Variants in AFF4 observed in about 807,000 individuals in gnomAD.
AFF4 encodes the protein AF4/FMR2 family member 4.
In AFF4, 13 loss-of-function variants were observed where a neutral mutation model predicts 124.8. That is an observed-to-expected ratio of 0.10 (90% CI 0.07 to 0.17). The LOEUF is 0.17. Among genes scored for constraint, AFF4 ranks in the 10% least tolerant of loss-of-function variants. The probability of loss-of-function intolerance (pLI) is 1.00; values close to 1 mark genes in which losing one functional copy is unlikely to be tolerated. For synonymous variants in AFF4, 477 were observed against 496.1 expected (o/e 0.96, Z 0.51); for missense variants, 1,092 against 1,403.8 (o/e 0.78, Z 3.55).
rs544606284 is a variant in AFF4 at position 132,946,688 on chromosome 5, A to G, written c.-4-9495T>C. On this transcript the variant is annotated intron_variant, in intron 1 of 20. Coordinates refer to ENST00000265343, the MANE Select transcript of AFF4 (RefSeq NM_014423.4). ...GGGAGGTTCTGTTTGGGATGATGAA[A>G]AAGTTCTGGAAACAGACAGTATTGA... is the stretch of plus-strand genomic sequence containing the variant. 5.3e-5 allele frequency among the ~76,000 whole-genome samples: 8 copies of G among 152,302 alleles called. 1 individual carries two copies. The highest frequency in any genetic ancestry group is 3.9e-4 in the East Asian group (2 of 5,192).
chr5:132,910,657 C>G (rs1581294148), intron 5 of AFF4, among the ~76,000 whole-genome samples: 1 of 152,312 alleles, frequency 6.6e-6, no homozygotes, highest in East Asian at 1.9e-4. Flanking sequence ...ACCTTAGCAA[C>G]AGTCAGTCAG....
At chr5:132,899,480 A>G (rs1760493876) in intron 8 of AFF4, 107 bp downstream of exon 8, 11 of 1,018,326 alleles carry the variant, frequency 1.1e-5, no homozygotes, top group Middle Eastern at 3.0e-4. Context: ...CAGAAAGCTT[A>G]TAAGAAACTT....
chr5:132,962,496 T>C (rs55746968), intron 1 of AFF4, among the ~76,000 whole-genome samples: 17,327 of 151,992 alleles, frequency 0.11, 1,262 homozygotes, highest in South Asian at 0.2. Context: ...TTCCTGAAAA[T>C]AATACTGTTT....
chr5:132,908,831 T>A (rs1007417657), intron 5 of AFF4, among the ~76,000 whole-genome samples: 13 of 147,686 alleles, frequency 8.8e-5, no homozygotes, highest in Non-Finnish European at 1.3e-4. Context: ...AGTGCAGTGG[T>A]GTGATTTCGG....
At chr5:132,935,329 CA>C (rs1761399565) in intron 2 of AFF4, among the ~76,000 whole-genome samples, 1 of 152,190 alleles carries the variant, frequency 6.6e-6, no homozygotes, top group Non-Finnish European at 1.5e-5. Context: ...TTTAAATACA[CA>C]AAGTATTTTG....
At chr5:132,921,252 T>A (rs937828573) in intron 5 of AFF4, among the ~76,000 whole-genome samples, 4 of 151,586 alleles carry the variant, frequency 2.6e-5, no homozygotes, top group African/African-American at 9.7e-5. Context: ...AATCAGTACA[T>A]GAAAAGATGC....
chr5:132,919,043 G>A (rs143222070), intron 5 of AFF4, among the ~76,000 whole-genome samples: 100 of 151,994 alleles, frequency 6.6e-4, no homozygotes, highest in Non-Finnish European at 1.2e-3. Context: ...ACCATGCCCC[G>A]TGCCCAACTA....
At chr5:132,885,777 TTTTG>T (rs1241653073) in intron 18 of AFF4, among the ~76,000 whole-genome samples, 2 of 151,920 alleles carry the variant, frequency 1.3e-5, no homozygotes, top group African/African-American at 2.4e-5. Context: ...ACAAAAGACT[TTTTG>T]TTTGTTTTTG....
chr5:132,960,081 G>C (rs1220695908), intron 1 of AFF4, among the ~76,000 whole-genome samples: 2 of 152,168 alleles, frequency 1.3e-5, no homozygotes, highest in East Asian at 3.9e-4. Flanking sequence ...TTAAACCAAA[G>C]GAAAAAGCAG....
intron 5 of AFF4, among the ~76,000 whole-genome samples, chr5:132,922,968 A>T (rs1203405120): frequency 6.6e-6 from 1 of 151,708 alleles, no homozygotes; most frequent in South Asian, 2.1e-4. Flanking sequence ...GGAGGTAAGG[A>T]GATTGAGACC....
chr5:132,958,321 C>G (rs187197602), intron 1 of AFF4, among the ~76,000 whole-genome samples: 1 of 151,758 alleles, frequency 6.6e-6, no homozygotes, highest in Non-Finnish European at 1.5e-5. Flanking sequence ...AAAAAATTAG[C>G]AGGGCATGGT....
In AFF4 at chr5:132,932,011, G is replaced by C. The variant is rs139719593; in HGVS notation, c.963+167C>G. Among the ~76,000 whole-genome samples, 41 of 152,116 alleles carry C rather than the reference G, an allele frequency of 2.7e-4. No individual in the cohort carries two copies. In the East Asian group the frequency reaches 6.2e-3, roughly 23 times the overall value. On this transcript the variant is annotated intron_variant, in intron 4 of 20. Transcript: ENST00000265343. The stretch of plus-strand genomic sequence containing the variant: ...CAAAACTAGCTCTCTGAAGGCAAAT[G>C]GTAAACAAAGAAGAGAGTAAATTAT...
chr5:132,914,945 GTAGCCCTA>G (rs1760874019), intron 5 of AFF4, among the ~76,000 whole-genome samples: 1 of 152,152 alleles, frequency 6.6e-6, no homozygotes, highest in Non-Finnish European at 1.5e-5. Flanking sequence ...GATAACATGA[GTAGCCCTA>G]TAGCTACTAA....
intron 6 of AFF4, 55 bp from the exon 7 acceptor site, chr5:132,902,542 A>G: frequency 1.6e-6 from 2 of 1,288,194 alleles, no homozygotes; most frequent in African/African-American, 1.5e-5. Flanking sequence ...AGACTGTAAA[A>G]TGTCTATGTA....
At chr5:132,958,241 T>C (rs1381285616) in intron 1 of AFF4, among the ~76,000 whole-genome samples, 1 of 151,840 alleles carries the variant, frequency 6.6e-6, no homozygotes, top group Non-Finnish European at 1.5e-5. Flanking sequence ...AGTAGCTGCA[T>C]AACAAATAAT....
chr5:132,887,630 T>C, intron 16 of AFF4, 38 bp from the exon 17 acceptor site: 1 of 1,572,412 alleles, frequency 6.4e-7, no homozygotes, highest in South Asian at 1.1e-5. Context: ...ACAAACAGAA[T>C]ACTTCACCTT....
chr5:132,880,067 T>A lies in AFF4; in HGVS notation c.*992A>T, dbSNP rs1226476206. On this transcript the variant is annotated 3_prime_UTR_variant, in exon 21 of 21. Transcript: ENST00000265343. The stretch of plus-strand genomic sequence containing the variant: ...CAATCCAGTATGAGGGGGAAAAATC[T>A]GAAAAATAACTCTAACTATCAAAGA... The A allele has an allele frequency of 2.5e-6, 1 of 396,002 alleles. No homozygotes were observed. Among genetic ancestry groups the A allele is most frequent in the African/African-American group, 2.1e-5 (1 of 48,546 alleles). The allele number at this position is 396,002 out of a possible 1,614,324, so 24.5% of individuals were successfully genotyped here. A position where few individuals can be genotyped will look rare whatever the true frequency, so the allele number is the denominator to read the frequency against.
At chr5:132,941,373 T>A (rs770360066) in intron 1 of AFF4, among the ~76,000 whole-genome samples, 5 of 152,016 alleles carry the variant, frequency 3.3e-5, no homozygotes, top group Non-Finnish European at 4.4e-5. Flanking sequence ...TCACTCTATC[T>A]CCCAGGCTGG....
Position 132,881,203 on chromosome 5 carries a change from A to G in AFF4, c.3365-17T>C, listed in dbSNP as rs367545944. 6.8e-6 allele frequency: 11 copies of G among 1,612,174 alleles called. No homozygotes were observed. The highest frequency in any genetic ancestry group is 4.4e-5 in the South Asian group (4 of 90,804). On this transcript the variant is annotated splice_polypyrimidine_tract_variant and intron_variant, in intron 20 of 20. Coordinates refer to ENST00000265343, the MANE Select transcript of AFF4 (RefSeq NM_014423.4). ...CAAAGAATTCTAGAAAACCAAAAAC[A>G]TTCATTAAATGATATATACTCTTTT... is the stretch of plus-strand genomic sequence containing the variant.
Sources: allele counts gnomAD v4.1 joint callset (sites outside exome capture counted in the v4.1 genomes callset), GRCh38; gene constraint gnomAD v4.1.1; transcripts MANE v1.5; gene names NCBI Gene and HGNC (gene_info 2026-07-23, HGNC 2026-07-21).